The following ARNT2 variants were observed in gnomAD, a reference collection of about 807,000 sequenced individuals.
The protein encoded by ARNT2 is aryl hydrocarbon receptor nuclear translocator 2.
A neutral mutation model predicts 91.7 loss-of-function variants in ARNT2; 36 were observed. The ratio of observed to expected loss-of-function variants is 0.39; its 90% CI spans 0.30 to 0.52. ARNT2 has a LOEUF of 0.52. Among genes scored for constraint, ARNT2 ranks in the 20% least tolerant of loss-of-function variants. ARNT2 has a pLI of 0.72. For missense variants in ARNT2, 775 were observed against 939.3 expected (o/e 0.83, Z 2.29); for synonymous variants, 365 against 347.1 (o/e 1.05, Z -0.57).
chr15:80,408,031 T>C (rs1236132267), intron 1 of ARNT2, among the ~76,000 whole-genome samples: 3 of 152,240 alleles, frequency 2.0e-5, no homozygotes, highest in African/African-American at 7.2e-5. Context: ...AAAATTATGT[T>C]TTAAGAGATT....
rs569745124 is a variant in ARNT2, at chr15:80,417,171, T to G, written c.31+12625T>G. On this transcript the variant is annotated intron_variant, in intron 1 of 18. Transcript: ENST00000303329. Reference sequence around the variant, plus strand: ...TTACCAACTTTCCTGACATACAAATTGAAAAGCTTTTCAGGTAAGTTGCTC... The same window carrying G: ...TTACCAACTTTCCTGACATACAAATGGAAAAGCTTTTCAGGTAAGTTGCTC... Among the ~76,000 whole-genome samples the G allele has an allele frequency of 2.4e-4, 37 of 152,324 alleles. 1 individual carries two copies. Among genetic ancestry groups the G allele is most frequent in the African/African-American group, 8.9e-4 (37 of 41,578 alleles).
At chr15:80,557,662 C>T (rs1898218115) in intron 11 of ARNT2, among the ~76,000 whole-genome samples, 1 of 152,120 alleles carries the variant, frequency 6.6e-6, no homozygotes, top group Non-Finnish European at 1.5e-5. Flanking sequence ...CCCCAGTCCT[C>T]CTCTCATCAC....
At chr15:80,573,794 G>A (rs541630432) in intron 12 of ARNT2, among the ~76,000 whole-genome samples, 1 of 152,354 alleles carries the variant, frequency 6.6e-6, no homozygotes, top group African/African-American at 2.4e-5. Context: ...ACACCCGCCC[G>A]TTTATGGCTA....
intron 5 of ARNT2, among the ~76,000 whole-genome samples, chr15:80,481,959 TA>T (rs1462564312): frequency 6.6e-6 from 1 of 152,156 alleles, no homozygotes; most frequent in East Asian, 1.9e-4. Flanking sequence ...TCGAGTGCAG[TA>T]GCACAGTCAT....
Position 80,475,174 on chromosome 15 carries a change from C to G in ARNT2, c.573C>G (p.Asp191Glu), listed in dbSNP as rs369705081. 4.3e-6 allele frequency: 7 copies of G among 1,614,018 alleles called. No homozygotes were observed. Among genetic ancestry groups the G allele is most frequent in the Admixed American group, 1.7e-5 (1 of 60,006 alleles). The change falls in exon 5 of 19, where the codon GAC becomes GAG. Residue 191 changes from aspartate to glutamate, a missense_variant. Transcript: ENST00000303329. ...TGTATGAACAGGTGCATCCTGATGACGTGGAGAAGCTGAGAGAGCAACTGT... is the reference window on the plus strand; with the variant it reads ...TGTATGAACAGGTGCATCCTGATGAGGTGGAGAAGCTGAGAGAGCAACTGT... The part of the protein sequence containing the change: ...STLYEQVHPD[D>E]VEKLREQLCT...
intron 17 of ARNT2, among the ~76,000 whole-genome samples, chr15:80,588,605 T>C (rs758595572): frequency 6.6e-6 from 1 of 152,128 alleles, no homozygotes; most frequent in Non-Finnish European, 1.5e-5. Flanking sequence ...TCTATTCCTC[T>C]TCCATCCTGA....
rs577031976 is a variant in ARNT2 at position 80,457,780 on chromosome 15, T to C, written c.147-149T>C. ...TTGTCTTGAACCCGTTTGATGACTG[T>C]GTAGAGATATTGCTTGTAGCACTGC... On this transcript the variant is annotated intron_variant, in intron 2 of 18. Transcript: ENST00000303329. 4.0e-6 allele frequency: 3 copies of C among 753,306 alleles called. No homozygotes were observed. In the African/African-American group the frequency reaches 5.3e-5, roughly 13 times the overall value. 46.7% of individuals were successfully genotyped at this position (753,306 alleles called of 1,614,324 possible).
At chr15:80,417,298 G>A (rs1482000670) in intron 1 of ARNT2, among the ~76,000 whole-genome samples, 1 of 151,582 alleles carries the variant, frequency 6.6e-6, no homozygotes, top group Non-Finnish European at 1.5e-5. Flanking sequence ...TGCATATCCA[G>A]GTTTAGATGT....
At chr15:80,516,889 A>G (rs1387050134) in intron 8 of ARNT2, among the ~76,000 whole-genome samples, 3 of 129,626 alleles carry the variant, frequency 2.3e-5, no homozygotes, top group South Asian at 2.5e-4. Context: ...CACTTCATGT[A>G]TAGTGCAGGC....
chr15:80,475,195 AC>A lies in ARNT2; in HGVS notation c.595del (p.Leu199CysfsTer8). The A allele has an allele frequency of 6.2e-7, 1 of 1,614,120 alleles. No homozygotes were observed. On this transcript the variant is annotated frameshift_variant, in exon 5 of 19. Coordinates refer to ENST00000303329, the MANE Select transcript of ARNT2 (RefSeq NM_014862.4). LOFTEE classifies it high-confidence loss of function. ...PDDVEKLREQ[L>X]CTSENSMTGR... ...ATGACGTGGAGAAGCTGAGAGAGCA[AC>A]TGTGCACCTCAGAAAACTCAATGAC...
In ARNT2 at chr15:80,463,136, C is replaced by T. The variant is rs570826355; in HGVS notation, c.194+5160C>T. 2.6e-5 allele frequency among the ~76,000 whole-genome samples: 4 copies of T among 152,186 alleles called. No homozygotes were observed. The East Asian group carries it at 7.7e-4, about 29-fold the overall frequency. On this transcript the variant is annotated intron_variant, in intron 3 of 18. Coordinates refer to ENST00000303329, the MANE Select transcript of ARNT2 (RefSeq NM_014862.4). ...GCGTCTTAGCCTAGAGAGTGGGTTA[C>T]TCTGTTTCCAAGTGAGAAGACGCCT...
At chr15:80,477,959 G>A (rs1449226689) in intron 5 of ARNT2, among the ~76,000 whole-genome samples, 6 of 152,180 alleles carry the variant, frequency 3.9e-5, no homozygotes, top group Admixed American at 2.0e-4. Flanking sequence ...GAATTAAGGT[G>A]TAAAGACAGT....
At position 80,597,805 on chromosome 15, in the gene ARNT2, G is replaced by T; in HGVS notation, c.*4107G>T. 1 of 153,188 alleles carries T rather than the reference G, an allele frequency of 6.5e-6. No homozygotes were observed. Among genetic ancestry groups the T allele is most frequent in the Admixed American group, 6.5e-5 (1 of 15,344 alleles). The allele number at this position is 153,188 out of a possible 1,614,324, so 9.5% of individuals were successfully genotyped here. A position where few individuals can be genotyped will look rare whatever the true frequency, so the allele number is the denominator to read the frequency against. ...TTCTTATGGATGTGAACTGTGCTGT[G>T]GATAAATCATTTGTATTTCTTGAAT... On this transcript the variant is annotated 3_prime_UTR_variant, in exon 19 of 19. Transcript: ENST00000303329.
At position 80,596,355 on chromosome 15, in the gene ARNT2, T is replaced by G. The variant is rs185905043; in HGVS notation, c.*2657T>G. 1 of 152,376 alleles carries G rather than the reference T, an allele frequency of 6.6e-6. No homozygotes were observed. Among genetic ancestry groups the G allele is most frequent in the Non-Finnish European group, 1.5e-5 (1 of 68,102 alleles). 9.4% of individuals were successfully genotyped at this position (152,376 alleles called of 1,614,324 possible). On this transcript the variant is annotated 3_prime_UTR_variant, in exon 19 of 19. Transcript: ENST00000303329. ...CTGAGTAGAGTCTGACTGCAGTTTT[T>G]GCTTATGATTTGTAAAAGCCGTCAT...
intron 8 of ARNT2, among the ~76,000 whole-genome samples, chr15:80,534,859 C>A (rs954258624): frequency 6.6e-6 from 1 of 152,160 alleles, no homozygotes; most frequent in African/African-American, 2.4e-5. Flanking sequence ...AGTTACCCTG[C>A]CGAACAGGAT....
At chr15:80,533,694 G>T (rs1305052622) in intron 8 of ARNT2, among the ~76,000 whole-genome samples, 1 of 152,238 alleles carries the variant, frequency 6.6e-6, no homozygotes, top group Non-Finnish European at 1.5e-5. Flanking sequence ...GCATGGAAAG[G>T]ATTCAAGGTT....
rs1237100508 is a variant in ARNT2 at position 80,591,713 on chromosome 15, A to G, written c.2055+9A>G. On this transcript the variant is annotated intron_variant, in intron 18 of 18. Transcript: ENST00000303329. This position sits in a 1 kb window ranked among gnomAD's most constrained non-coding sequence, Gnocchi z 5.1. ...AGACTGAAGTGTTCCAGGTAAATCG[A>G]GCGAGCACCGCCTTCTCGTAGGTAC... The G allele has an allele frequency of 2.5e-6, 4 of 1,613,712 alleles. No homozygotes were observed. Among genetic ancestry groups the G allele is most frequent in the Non-Finnish European group, 3.4e-6 (4 of 1,179,756 alleles).
At chr15:80,559,715 CTGAACTCTGTGAAAG>C (rs1449491388) in intron 11 of ARNT2, among the ~76,000 whole-genome samples, 4 of 152,192 alleles carry the variant, frequency 2.6e-5, no homozygotes, top group South Asian at 2.1e-4. Context: ...TCAAAAAGAG[CTGAACTCTGTGAAAG>C]TGAAAGCAGC....
chr15:80,563,351 A>C, intron 12 of ARNT2, 112 bp downstream of exon 12: 1 of 1,385,376 alleles, frequency 7.2e-7, no homozygotes, highest in South Asian at 1.3e-5. Context: ...TGCAGCTGGA[A>C]ATCCCTGTAG....
Sources: allele counts gnomAD v4.1 joint callset (sites outside exome capture counted in the v4.1 genomes callset), GRCh38; gene constraint gnomAD v4.1.1; non-coding constraint Gnocchi (gnomAD v3.1); transcripts MANE v1.5; gene names NCBI Gene and HGNC (gene_info 2026-07-23, HGNC 2026-07-21).